The following AARSD1 variants were observed in gnomAD, a reference collection of about 807,000 sequenced individuals.
AARSD1 encodes alanyl-tRNA synthetase domain containing 1, also known as alanyl-tRNA editing protein Aarsd1.
A neutral mutation model predicts 48.7 loss-of-function variants in AARSD1; 44 were observed. The ratio of observed to expected loss-of-function variants is 0.90; its 90% CI spans 0.71 to 1.16. AARSD1 has a LOEUF of 1.16. AARSD1 is among the 50% of genes most tolerant of loss of function. AARSD1 has a pLI of 0.00. For missense variants in AARSD1, 511 were observed against 523.1 expected (o/e 0.98, Z 0.23); for synonymous variants, 189 against 194.9 (o/e 0.97, Z 0.25).
At position 42,956,432 on chromosome 17, in the gene AARSD1, A is replaced by T; in HGVS notation, c.518T>A (p.Leu173Gln). The change falls in exon 5 of 12, where the codon CTG (leucine) becomes CAG (glutamine). Residue 173 changes from leucine to glutamine, a missense_variant. Transcript: ENST00000427569. ...CTCCACCTCAGGATCATCCAGGCTC[A>T]GTTCTCGGACATTCACAGGCAGCCG... ...RDRLPVNVRE[L>Q]SLDDPEVEQV... 1 of 1,614,034 alleles carries T rather than the reference A, an allele frequency of 6.2e-7. No homozygotes were observed. The highest frequency in any genetic ancestry group is 1.3e-5 in the African/African-American group (1 of 74,994).
chr17:42,960,367 G>C (rs531373124), intron 3 of AARSD1, among the ~76,000 whole-genome samples: 1 of 152,222 alleles, frequency 6.6e-6, no homozygotes. Context: ...GAGAGGTCCA[G>C]GGGGAAGACA....
chr17:42,952,447 T>G (rs2049491881), intron 10 of AARSD1, among the ~76,000 whole-genome samples: 1 of 152,162 alleles, frequency 6.6e-6, no homozygotes, highest in Non-Finnish European at 1.5e-5. Context: ...AGAAGAATTA[T>G]GAAAAGAGAG....
rs759486495 is a variant in AARSD1, at chr17:42,951,901, G to C, written c.1009-7C>G. 1 of 1,613,268 alleles carries C rather than the reference G, an allele frequency of 6.2e-7. No individual in the cohort carries two copies. The highest frequency in any genetic ancestry group is 1.7e-5 in the Admixed American group (1 of 59,966). ...TTAAGAACAGGAGGGTCTCCTAGGA[G>C]GTAAGACAAGGAGATAAGCTCTGAT... On this transcript the variant is annotated splice_polypyrimidine_tract_variant and splice_region_variant and intron_variant, in intron 10 of 11. Coordinates refer to ENST00000427569, the MANE Select transcript of AARSD1 (RefSeq NM_001261434.2).
chr17:42,958,332 C>G (rs1404277974), intron 3 of AARSD1, among the ~76,000 whole-genome samples: 1 of 151,924 alleles, frequency 6.6e-6, no homozygotes, highest in Non-Finnish European at 1.5e-5. Flanking sequence ...GAAACCTCGT[C>G]TCTACTAAAA....
intron 9 of AARSD1, 128 bp downstream of exon 9, chr17:42,954,748 A>G: frequency 5.7e-6 from 6 of 1,043,978 alleles, no homozygotes; most frequent in Non-Finnish European, 8.5e-6. Flanking sequence ...CATATTTCTT[A>G]GGATCTACTC....
At chr17:42,962,923 C>T (rs2151943818) in intron 2 of AARSD1, among the ~76,000 whole-genome samples, 1 of 152,182 alleles carries the variant, frequency 6.6e-6, no homozygotes, top group Non-Finnish European at 1.5e-5. Context: ...ACTGGAGAGG[C>T]TAAAACAGGA....
chr17:42,955,077 C>T (rs767443021), intron 8 of AARSD1, 81 bp downstream of exon 8: 41 of 1,612,216 alleles, frequency 2.5e-5, no homozygotes, highest in Non-Finnish European at 3.3e-5. Flanking sequence ...AACTACACAT[C>T]TGTTTAGGCA....
chr17:42,964,037 G>T, intron 2 of AARSD1, 69 bp downstream of exon 2: 1 of 1,601,700 alleles, frequency 6.2e-7, no homozygotes, highest in East Asian at 2.2e-5. Context: ...GAGAAAAAAG[G>T]GGCAGGAGAG....
At chr17:42,952,819 C>CTT (rs111718176) in intron 10 of AARSD1, among the ~76,000 whole-genome samples, 8 of 138,492 alleles carry the variant, frequency 5.8e-5, no homozygotes, top group African/African-American at 1.6e-4. Flanking sequence ...CCTGTATTTA[C>CTT]TTTTTTTTTT....
intron 2 of AARSD1, among the ~76,000 whole-genome samples, chr17:42,963,345 G>A (rs1362674346): frequency 6.6e-6 from 1 of 151,152 alleles, no homozygotes; most frequent in Non-Finnish European, 1.5e-5. Context: ...GGCGGAGGTT[G>A]CAGAGCTGAG....
At chr17:42,953,195 G>A (rs2049502588) in intron 10 of AARSD1, among the ~76,000 whole-genome samples, 1 of 151,982 alleles carries the variant, frequency 6.6e-6, no homozygotes, top group Non-Finnish European at 1.5e-5. Flanking sequence ...GCCCAGGGTG[G>A]TCTCGAACTC....
intron 4 of AARSD1, 61 bp from the exon 5 acceptor site, chr17:42,956,621 T>C: frequency 7.1e-7 from 1 of 1,414,248 alleles, no homozygotes; most frequent in Admixed American, 2.5e-5. Flanking sequence ...AGCTGAAAGC[T>C]TTTCCTCTAA....
At position 42,953,783 on chromosome 17, in the gene AARSD1, A is replaced by C. The variant is rs2049510347; in HGVS notation, c.954-5T>G. 1 of 1,614,082 alleles carries C rather than the reference A, an allele frequency of 6.2e-7. No homozygotes were observed. Among genetic ancestry groups the C allele is most frequent in the East Asian group, 2.2e-5 (1 of 44,872 alleles). On this transcript the variant is annotated splice_polypyrimidine_tract_variant and splice_region_variant and intron_variant, in intron 9 of 11. Transcript: ENST00000427569. Reference sequence around the variant, plus strand: ...AACTCTGAATCACCCTCCTTCCTACAACAAAGGACACAGACATGAGACCCA... The same window carrying C: ...AACTCTGAATCACCCTCCTTCCTACCACAAAGGACACAGACATGAGACCCA...
At chr17:42,955,389 A>C in intron 7 of AARSD1, 165 bp from the exon 8 acceptor site, 1 of 739,010 alleles carries the variant, frequency 1.4e-6, no homozygotes, top group East Asian at 2.9e-5. Flanking sequence ...CATACAAAGG[A>C]ATTAACCACT....
Position 42,956,400 on chromosome 17 carries a change from T to C in AARSD1, c.546+4A>G. ...AGAAACCATCCCTCTGGCTCTACCC[T>C]TACCTGCTCCACCTCAGGATCATCC... On this transcript the variant is annotated splice_donor_region_variant and intron_variant, in intron 5 of 11. Transcript: ENST00000427569. The C allele has an allele frequency of 6.2e-7, 1 of 1,614,044 alleles. No individual in the cohort carries two copies. The highest frequency in any genetic ancestry group is 8.5e-7 in the Non-Finnish European group (1 of 1,179,996).
chr17:42,951,764 T>C (rs781632208), intron 11 of AARSD1, 36 bp downstream of exon 11: 5 of 1,605,160 alleles, frequency 3.1e-6, no homozygotes, highest in Non-Finnish European at 4.3e-6. Context: ...GGATACAGGC[T>C]CTACTACATG....
chr17:42,950,776 A>G (rs369335350), intron 11 of AARSD1, 48 bp from the exon 12 acceptor site: 222 of 1,572,364 alleles, frequency 1.4e-4, no homozygotes, highest in Middle Eastern at 1.2e-3. Flanking sequence ...AAAAGTCACA[A>G]AAAAAAACAA....
At chr17:42,955,702 A>G in intron 7 of AARSD1, 140 bp downstream of exon 7, 1 of 1,464,240 alleles carries the variant, frequency 6.8e-7, no homozygotes, top group Non-Finnish European at 9.2e-7. Context: ...CGGCCTCCCA[A>G]AGTGCTGGGA....
At chr17:42,957,042 C>T (rs567864592) in intron 4 of AARSD1, 96 bp downstream of exon 4, 1 of 1,493,324 alleles carries the variant, frequency 6.7e-7, no homozygotes, top group African/African-American at 1.4e-5. Context: ...CTCACCACAG[C>T]CTTAATCTCC....
Sources: gnomAD v4.1 joint callset for allele counts (sites outside exome capture counted in the v4.1 genomes callset) on GRCh38, gnomAD v4.1.1 for gene constraint, MANE v1.5 for transcripts, NCBI Gene and HGNC (gene_info 2026-07-23, HGNC 2026-07-21) for gene names.